Variants in DOCK1 observed in about 807,000 individuals in gnomAD.
DOCK1 encodes dedicator of cytokinesis protein 1.
A neutral mutation model predicts 262.7 loss-of-function variants in DOCK1; 138 were observed. The observed-to-expected ratio is 0.53, with a 90% CI of 0.46 to 0.61. The LOEUF is 0.61. Ranked by LOEUF, DOCK1 falls within the 20% of genes least tolerant of loss-of-function variation. The probability of loss-of-function intolerance (pLI) is 0.00; values close to 1 mark genes in which losing one functional copy is unlikely to be tolerated. For synonymous variants in DOCK1, 866 were observed against 867.4 expected (o/e 1.00, Z 0.03); for missense variants, 1,908 against 2,370.7 (o/e 0.80, Z 4.05).
intron 16 of DOCK1, among the ~76,000 whole-genome samples, chr10:127,027,924 G>T (rs1168046505): frequency 2.0e-5 from 3 of 152,064 alleles, no homozygotes; most frequent in Non-Finnish European, 2.9e-5. Flanking sequence ...GAGGCCTGGT[G>T]TGTGGTCTGC....
intron 1 of DOCK1, among the ~76,000 whole-genome samples, chr10:126,949,001 C>T (rs894965136): frequency 5.9e-5 from 9 of 152,098 alleles, no homozygotes; most frequent in Admixed American, 5.9e-4. Context: ...GACCCTGTTC[C>T]CTTTGTAACT....
At chr10:126,906,740 C>T (rs1392643476) in intron 1 of DOCK1, among the ~76,000 whole-genome samples, 1 of 152,196 alleles carries the variant, frequency 6.6e-6, no homozygotes, top group African/African-American at 2.4e-5. Context: ...TGGGAAGCGC[C>T]CTGGCAGCCC....
At chr10:127,081,720 TTTC>T (rs1156425040) in intron 23 of DOCK1, among the ~76,000 whole-genome samples, 3 of 152,200 alleles carry the variant, frequency 2.0e-5, no homozygotes, top group Non-Finnish European at 4.4e-5. Flanking sequence ...AGTCTCTTTA[TTTC>T]TTCTGTCTTG....
intron 1 of DOCK1, among the ~76,000 whole-genome samples, chr10:126,923,566 G>T (rs2134122778): frequency 6.6e-6 from 1 of 152,302 alleles, no homozygotes; most frequent in South Asian, 2.1e-4. Flanking sequence ...GGAGGTTGCA[G>T]TGAGCCGAGA....
At chr10:127,061,053 A>G (rs2045497905) in intron 22 of DOCK1, among the ~76,000 whole-genome samples, 1 of 152,136 alleles carries the variant, frequency 6.6e-6, no homozygotes, top group Admixed American at 6.5e-5. Flanking sequence ...ACATGGTGTA[A>G]CTTCTTCCCT....
At chr10:127,438,522 T>G (rs1229268028) in intron 48 of DOCK1, among the ~76,000 whole-genome samples, 2 of 152,162 alleles carry the variant, frequency 1.3e-5, no homozygotes, top group East Asian at 3.9e-4. Context: ...CAAGCACCTG[T>G]GAGCTGGCCC....
At chr10:127,235,194 A>G (rs1013979239) in intron 27 of DOCK1, among the ~76,000 whole-genome samples, 3 of 151,814 alleles carry the variant, frequency 2.0e-5, no homozygotes, top group Admixed American at 6.6e-5. Flanking sequence ...TATATTTTAT[A>G]TAGTAACATC....
chr10:127,399,842 T>TA (rs1021193186), intron 38 of DOCK1, among the ~76,000 whole-genome samples: 6 of 152,232 alleles, frequency 3.9e-5, no homozygotes, highest in African/African-American at 1.2e-4. Flanking sequence ...ACTGGAGCTT[T>TA]AAAAAAACGT....
chr10:127,011,712 CTTGA>C (rs2041462954), intron 11 of DOCK1, among the ~76,000 whole-genome samples: 1 of 149,060 alleles, frequency 6.7e-6, no homozygotes, highest in Non-Finnish European at 1.5e-5. Flanking sequence ...CATGTAGTCA[CTTGA>C]GGGACTATTG....
intron 1 of DOCK1, among the ~76,000 whole-genome samples, chr10:126,951,783 A>G (rs1047204215): frequency 3.3e-5 from 5 of 151,988 alleles, no homozygotes; most frequent in Non-Finnish European, 5.9e-5. Context: ...CTGTGACAGG[A>G]AATAATCTCT....
intron 1 of DOCK1, among the ~76,000 whole-genome samples, chr10:126,909,731 C>G (rs2031484460): frequency 6.6e-6 from 1 of 152,214 alleles, no homozygotes; most frequent in South Asian, 2.1e-4. Flanking sequence ...GTCGTGAGGA[C>G]TCGCTGAGAT....
chr10:127,306,014 G>GTTTT (rs534023263), intron 29 of DOCK1, among the ~76,000 whole-genome samples: 2 of 131,600 alleles, frequency 1.5e-5, no homozygotes, highest in Non-Finnish European at 1.6e-5. Context: ...TTTTTTCCTG[G>GTTTT]TTTTTTTTTT....
intron 8 of DOCK1, 119 bp downstream of exon 8, chr10:126,998,368 C>G (rs754669375): frequency 7.3e-7 from 1 of 1,364,968 alleles, no homozygotes; most frequent in Non-Finnish European, 1.0e-6. Context: ...CTGCTGGACA[C>G]GAGCAAGCAG....
chr10:126,938,976 C>CG (rs1396548475), intron 1 of DOCK1, among the ~76,000 whole-genome samples: 3 of 69,974 alleles, frequency 4.3e-5, no homozygotes, highest in East Asian at 4.4e-4. Context: ...GGACAAACAC[C>CG]GGGGGGGATG....
At chr10:127,003,905 G>C (rs181617539) in intron 10 of DOCK1, among the ~76,000 whole-genome samples, 9 of 152,216 alleles carry the variant, frequency 5.9e-5, no homozygotes, top group African/African-American at 1.9e-4. Context: ...AGTGAGCTAA[G>C]ATTGTGTCAC....
intron 1 of DOCK1, among the ~76,000 whole-genome samples, chr10:126,925,604 GA>G (rs2033636043): frequency 6.6e-6 from 1 of 151,992 alleles, no homozygotes; most frequent in Admixed American, 6.6e-5. Context: ...GGATGGTCTC[GA>G]TCTCTTGATC....
intron 27 of DOCK1, among the ~76,000 whole-genome samples, chr10:127,212,037 G>T (rs573467096): frequency 3.2e-4 from 48 of 152,314 alleles, no homozygotes; most frequent in African/African-American, 1.1e-3. Context: ...AGGACTTGAT[G>T]CTTTGGTGAA....
At chr10:127,082,897 T>A (rs1020088100) in intron 23 of DOCK1, among the ~76,000 whole-genome samples, 1 of 152,210 alleles carries the variant, frequency 6.6e-6, no homozygotes, top group Non-Finnish European at 1.5e-5. Context: ...GGCCATGCTG[T>A]GCTTTGCTGT....
intron 33 of DOCK1, among the ~76,000 whole-genome samples, chr10:127,369,752 G>T (rs2065110338): frequency 6.6e-6 from 1 of 152,190 alleles, no homozygotes; most frequent in African/African-American, 2.4e-5. Context: ...TTGCTTGACG[G>T]ACGTAGGAGG....
Sources: gnomAD v4.1 joint callset for allele counts (sites outside exome capture counted in the v4.1 genomes callset) on GRCh38, gnomAD v4.1.1 for gene constraint, MANE v1.5 for transcripts, NCBI Gene and HGNC (gene_info 2026-07-23, HGNC 2026-07-21) for gene names.